Variants in SLC6A6 observed in about 807,000 individuals in gnomAD.
The protein encoded by SLC6A6 is solute carrier family 6 member 6.
A neutral mutation model predicts 68.8 loss-of-function variants in SLC6A6; 16 were observed. That is an observed-to-expected ratio of 0.23 (90% confidence interval 0.16 to 0.35). The LOEUF (loss-of-function observed/expected upper bound fraction) is 0.35. SLC6A6 is among the 10% of genes least tolerant of loss of function. The probability of loss-of-function intolerance (pLI) is 1.00; values close to 1 mark genes in which losing one functional copy is unlikely to be tolerated. For missense variants in SLC6A6, 474 were observed against 802.8 expected (o/e 0.59, Z 4.95); for synonymous variants, 312 against 315.4 (o/e 0.99, Z 0.12).
intron 9 of SLC6A6, among the ~76,000 whole-genome samples, chr3:14,470,298 G>A (rs149275398): frequency 4.3e-4 from 65 of 152,328 alleles, no homozygotes; most frequent in Non-Finnish European, 7.6e-4. Context: ...CATCAAGGGT[G>A]ATTATTTCTC....
intron 1 of SLC6A6, among the ~76,000 whole-genome samples, chr3:14,409,728 G>GGAA (rs1159374834): frequency 2.0e-5 from 3 of 152,242 alleles, no homozygotes; most frequent in Non-Finnish European, 2.9e-5. Flanking sequence ...ATCCAGTCTG[G>GGAA]GAACGCCGCC....
At chr3:14,445,949 G>A (rs934885923) in intron 4 of SLC6A6, 98 bp downstream of exon 4, 2 of 1,217,662 alleles carry the variant, frequency 1.6e-6, no homozygotes, top group African/African-American at 3.0e-5. Context: ...GGAGCCTCAT[G>A]CACATCACTT....
intron 1 of SLC6A6, among the ~76,000 whole-genome samples, chr3:14,416,205 T>C (rs879127082): frequency 2.6e-5 from 4 of 152,160 alleles, no homozygotes; most frequent in African/African-American, 9.7e-5. Context: ...TACACTTGTG[T>C]CTGTGCGTCT....
intron 9 of SLC6A6, among the ~76,000 whole-genome samples, chr3:14,470,184 T>A (rs1482471286): frequency 1.3e-5 from 2 of 152,178 alleles, no homozygotes; most frequent in Admixed American, 1.3e-4. Flanking sequence ...GACAACGAAG[T>A]ATTTTCGTAG....
chr3:14,449,901 A>C (rs1416513645), intron 5 of SLC6A6, among the ~76,000 whole-genome samples: 1 of 151,996 alleles, frequency 6.6e-6, no homozygotes, highest in Non-Finnish European at 1.5e-5. Context: ...ACAGGAACAC[A>C]CCACTATGTC....
intron 1 of SLC6A6, among the ~76,000 whole-genome samples, chr3:14,407,234 C>T (rs1043390484): frequency 5.9e-5 from 9 of 151,628 alleles, no homozygotes; most frequent in South Asian, 2.1e-4. Context: ...ATTTTTTGTA[C>T]GGAGGAGGTT....
intron 2 of SLC6A6, among the ~76,000 whole-genome samples, chr3:14,423,334 TCA>T (rs1210679226): frequency 1.3e-5 from 2 of 152,114 alleles, no homozygotes; most frequent in African/African-American, 4.8e-5. Flanking sequence ...TGTGAGACAC[TCA>T]CACATGAATG....
chr3:14,427,113 C>A (rs1699617700), intron 2 of SLC6A6, among the ~76,000 whole-genome samples: 1 of 144,980 alleles, frequency 6.9e-6, no homozygotes, highest in Non-Finnish European at 1.5e-5. Flanking sequence ...GTCTTCCGCA[C>A]TCTCTGGCTG....
At chr3:14,412,337 C>T (rs958618878) in intron 1 of SLC6A6, among the ~76,000 whole-genome samples, 6 of 152,134 alleles carry the variant, frequency 3.9e-5, no homozygotes, top group African/African-American at 1.4e-4. Context: ...GTGGATTCCT[C>T]TTCTGCCACT....
chr3:14,437,209 TA>T (rs1328054273), intron 2 of SLC6A6, among the ~76,000 whole-genome samples: 1 of 152,174 alleles, frequency 6.6e-6, no homozygotes, highest in Non-Finnish European at 1.5e-5. Flanking sequence ...TCTGCTTGTG[TA>T]TATGGTCAGT....
At chr3:14,416,506 G>T (rs1699366031) in intron 2 of SLC6A6, 53 bp downstream of exon 2, 2 of 398,466 alleles carry the variant, frequency 5.0e-6, no homozygotes, top group South Asian at 2.6e-4. Context: ...GTTGTGCAGT[G>T]ACCCAAGGTG....
At chr3:14,412,522 T>A (rs1300142015) in intron 1 of SLC6A6, among the ~76,000 whole-genome samples, 1 of 151,946 alleles carries the variant, frequency 6.6e-6, no homozygotes, top group Non-Finnish European at 1.5e-5. Context: ...TCTAAAAAAA[T>A]GCAAAAATTC....
Position 14,402,893 on chromosome 3 carries a change from C to A in SLC6A6, c.-54+46C>A. ...TGGGCGCGCAGCCGGCGCTGCCCGCCGTCTGCAGCCCCTCCCCATCCCCGC... is the reference window on the plus strand; with the variant it reads ...TGGGCGCGCAGCCGGCGCTGCCCGCAGTCTGCAGCCCCTCCCCATCCCCGC... On this transcript the variant is annotated intron_variant, in intron 1 of 14. Coordinates refer to ENST00000622186, the MANE Select transcript of SLC6A6 (RefSeq NM_003043.6). The surrounding 1 kb of genome is among the most constrained non-coding windows in gnomAD (Gnocchi z 4.8). 7.7e-6 allele frequency: 3 copies of A among 390,298 alleles called. No homozygotes were observed. Among genetic ancestry groups the A allele is most frequent in the Non-Finnish European group, 1.4e-5 (3 of 220,612 alleles). The allele number at this position is 390,298 out of a possible 1,614,324, so 24.2% of individuals were successfully genotyped here. A position where few individuals can be genotyped will look rare whatever the true frequency, so the allele number is the denominator to read the frequency against.
At chr3:14,461,886 G>C (rs1028699648) in intron 6 of SLC6A6, among the ~76,000 whole-genome samples, 1 of 152,144 alleles carries the variant, frequency 6.6e-6, no homozygotes, top group Non-Finnish European at 1.5e-5. Context: ...TCCCCCTGCT[G>C]CTGCTGCTGC....
intron 2 of SLC6A6, among the ~76,000 whole-genome samples, chr3:14,417,713 C>T (rs1055656751): frequency 1.4e-5 from 2 of 146,282 alleles, no homozygotes; most frequent in African/African-American, 2.6e-5. Flanking sequence ...GCCTGGGCGA[C>T]GCAGCGAGAC....
chr3:14,408,795 G>T (rs966798570), intron 1 of SLC6A6, among the ~76,000 whole-genome samples: 21 of 150,870 alleles, frequency 1.4e-4, no homozygotes, highest in African/African-American at 5.1e-4. Flanking sequence ...CTGTAGTTTT[G>T]TTTTGTTTTT....
chr3:14,426,838 C>T (rs1254470936), intron 2 of SLC6A6, among the ~76,000 whole-genome samples: 2 of 152,060 alleles, frequency 1.3e-5, no homozygotes, highest in African/African-American at 2.4e-5. Flanking sequence ...ACTTCTGGGC[C>T]GGCTTCCCAG....
At chr3:14,458,145 C>G in intron 6 of SLC6A6, 63 bp downstream of exon 6, 3 of 1,471,962 alleles carry the variant, frequency 2.0e-6, no homozygotes, top group Non-Finnish European at 2.9e-6. Context: ...GCCCTCTCCC[C>G]CACTTCCCGC....
chr3:14,431,468 T>C (rs1699722458), intron 2 of SLC6A6, among the ~76,000 whole-genome samples: 2 of 152,206 alleles, frequency 1.3e-5, no homozygotes, highest in African/African-American at 2.4e-5. Context: ...TCCTGGAGGC[T>C]GTCCCATCGA....
Sources: gnomAD v4.1 joint callset for allele counts (sites outside exome capture counted in the v4.1 genomes callset) on GRCh38, gnomAD v4.1.1 for gene constraint, Gnocchi (gnomAD v3.1) non-coding constraint, MANE v1.5 for transcripts, NCBI Gene and HGNC (gene_info 2026-07-23, HGNC 2026-07-21) for gene names.